NLRP8: variants seen among roughly 807,000 people sequenced by gnomAD.
The protein encoded by NLRP8 is NACHT, LRR and PYD domains-containing protein 8.
NLRP8 carries 86 observed loss-of-function variants against 88.7 expected under a neutral mutation model. That is an observed-to-expected ratio of 0.97 (90% CI 0.81 to 1.16). NLRP8 has a LOEUF of 1.16. Ranked by LOEUF, NLRP8 falls within the 50% of genes most tolerant of loss-of-function variation. NLRP8 has a pLI of 0.00. For missense variants in NLRP8, 1,342 were observed against 1,286.5 expected, an observed-to-expected ratio of 1.04 and a Z score of -0.66; for synonymous variants, 504 against 494.6, an observed-to-expected ratio of 1.02 and a Z score of -0.25.
intron 9 of NLRP8, among the ~76,000 whole-genome samples, chr19:55,987,384 TAC>T (rs1480370073): frequency 6.6e-6 from 1 of 152,202 alleles, no homozygotes; most frequent in Non-Finnish European, 1.5e-5. Context: ...AAAAATTAAG[TAC>T]AGAGTAGGGG....
rs306496 is a variant in NLRP8 at position 55,966,344 on chromosome 19, T to C, written c.2345T>C (p.Val782Ala). 887,032 of 1,612,862 alleles carry C rather than the reference T, an allele frequency of 0.55. 247,863 individuals are homozygous for C. The highest frequency in any genetic ancestry group is 0.76 in the African/African-American group (57,133 of 74,946). The change falls in exon 5 of 10, where the codon GTG becomes GCG. Residue 782 changes from valine (V) to alanine (A), a missense_variant. Physicochemically the swap from Val to Ala is moderately conservative, Grantham distance 64. Coordinates refer to ENST00000291971, the MANE Select transcript of NLRP8 (RefSeq NM_176811.2). ...AAAGCTGTGAAGCTTCTATGCAGGG[T>C]GCTGAGATCCCCCCGGTGCCGTCTG...
intron 5 of NLRP8, among the ~76,000 whole-genome samples, chr19:55,969,765 C>A (rs559015659): frequency 1.3e-4 from 20 of 152,290 alleles, no homozygotes; most frequent in African/African-American, 4.3e-4. Context: ...TCCTTTACAT[C>A]CAACAGAGTT....
chr19:55,955,686 C>G lies in NLRP8; in HGVS notation c.1628C>G (p.Ala543Gly). Residue 543 changes from alanine to glycine, a missense_variant, in exon 3 of 10, where the codon GCG becomes GGG. Physicochemically the swap from Ala to Gly is moderately conservative, Grantham distance 60. Transcript: ENST00000291971. Reference sequence around the variant, plus strand: ...CACGTGAATATCCAGCGCCTGATAGCGAGTCCCAGAGGAAGCAAAAGCTAT... The same window carrying G: ...CACGTGAATATCCAGCGCCTGATAGGGAGTCCCAGAGGAAGCAAAAGCTAT... 6.2e-7 allele frequency: 1 copy of G among 1,614,108 alleles called. No individual in the cohort carries two copies. The highest frequency in any genetic ancestry group is 8.5e-7 in the Non-Finnish European group (1 of 1,179,974).
intron 9 of NLRP8, among the ~76,000 whole-genome samples, chr19:55,981,967 T>C (rs1201730427): frequency 1.3e-5 from 2 of 151,894 alleles, no homozygotes; most frequent in Non-Finnish European, 2.9e-5. Flanking sequence ...AGTGGTGTAA[T>C]CTCGGCTCAC....
chr19:55,972,588 C>A (rs999323202), intron 6 of NLRP8, among the ~76,000 whole-genome samples: 1 of 151,962 alleles, frequency 6.6e-6, no homozygotes, highest in African/African-American at 2.4e-5. Context: ...ACCCCCCACC[C>A]TTTCCCCCAA....
rs1466662813 is a variant in NLRP8, at chr19:55,955,264, C to G, written c.1206C>G (p.Val402=). ...GGGTCCCTGTGGTTTGCTGGATGGT[C>G]TGCTCTGGTCTGAAACAGCAAATGG... The change falls in exon 3 of 10, where the codon GTC becomes GTG. Residue 402 remains valine (V), a synonymous_variant. Coordinates refer to ENST00000291971, the MANE Select transcript of NLRP8 (RefSeq NM_176811.2). The G allele has an allele frequency of 6.2e-7, 1 of 1,614,152 alleles. No homozygotes were observed. Among genetic ancestry groups the G allele is most frequent in the Non-Finnish European group, 8.5e-7 (1 of 1,180,036 alleles).
At chr19:55,959,167 C>T (rs865976118) in intron 3 of NLRP8, among the ~76,000 whole-genome samples, 1 of 151,448 alleles carries the variant, frequency 6.6e-6, no homozygotes, top group African/African-American at 2.4e-5. Context: ...TGTGAGCCAC[C>T]ATGCCTAGCC....
At chr19:55,961,759 C>G (rs1312010625) in intron 3 of NLRP8, among the ~76,000 whole-genome samples, 2 of 152,326 alleles carry the variant, frequency 1.3e-5, no homozygotes, top group East Asian at 3.9e-4. Context: ...GTTCAGACCA[C>G]TATACTCCAG....
intron 3 of NLRP8, among the ~76,000 whole-genome samples, chr19:55,958,929 AG>A (rs1243664822): frequency 3.3e-5 from 5 of 151,902 alleles, no homozygotes; most frequent in African/African-American, 1.2e-4. Context: ...CCCAAGCTGG[AG>A]TGCAGTGGTG....
At chr19:55,951,570 G>T (rs1033788941) in intron 1 of NLRP8, among the ~76,000 whole-genome samples, 3 of 152,186 alleles carry the variant, frequency 2.0e-5, no homozygotes, top group East Asian at 1.9e-4. Context: ...ATGGGGGATT[G>T]GTTCCAGGCT....
At position 55,970,647 on chromosome 19, in the gene NLRP8, G is replaced by C. The variant is rs201252543; in HGVS notation, c.2485G>C (p.Glu829Gln). The change falls in exon 6 of 10, where the codon GAG (glutamate) becomes CAG (glutamine). Residue 829 changes from glutamate to glutamine, a missense_variant. By Grantham distance (29) the Glu-to-Gln change is conservative (BLOSUM62 2). Transcript: ENST00000291971. ...TCTCATACTAAGAAAAAACTCCCTG[G>C]AGAACTGTGGGGCGTATTACCTGTC... 3.1e-6 allele frequency: 5 copies of C among 1,614,064 alleles called. No individual in the cohort carries two copies. In the East Asian group the frequency reaches 1.1e-4, roughly 36 times the overall value.
chr19:55,967,668 G>A (rs1600307569), intron 5 of NLRP8, among the ~76,000 whole-genome samples: 1 of 152,190 alleles, frequency 6.6e-6, no homozygotes, highest in African/African-American at 2.4e-5. Context: ...GGTAGTGCAG[G>A]CATCTCTTCG....
At position 55,987,981 on chromosome 19, in the gene NLRP8, G is replaced by A. The variant is rs1980933194; in HGVS notation, c.*68G>A. The A allele has an allele frequency of 2.6e-6, 3 of 1,176,184 alleles. 1 individual carries two copies. The highest frequency in any genetic ancestry group is 2.5e-5 in the South Asian group (2 of 80,982). The allele number at this position is 1,176,184 out of a possible 1,614,324, so 72.9% of individuals were successfully genotyped here. A position where few individuals can be genotyped will look rare whatever the true frequency, so the allele number is the denominator to read the frequency against. On this transcript the variant is annotated 3_prime_UTR_variant, in exon 10 of 10. Coordinates refer to ENST00000291971, the MANE Select transcript of NLRP8 (RefSeq NM_176811.2). ...CACTCTGACAACTGGCAAATACCAG[G>A]CGTTATCATCCTGTATGCATTAACG...
intron 1 of NLRP8, among the ~76,000 whole-genome samples, chr19:55,948,701 G>T (rs1282608957): frequency 1.3e-5 from 2 of 152,158 alleles, no homozygotes; most frequent in Admixed American, 6.5e-5. Context: ...GCCCCCCAAA[G>T]TGCTGGGATT....
chr19:55,949,347 C>T (rs2090428129), intron 1 of NLRP8, among the ~76,000 whole-genome samples: 1 of 152,098 alleles, frequency 6.6e-6, no homozygotes, highest in South Asian at 2.1e-4. Context: ...AAGCAATTCT[C>T]ATGCCTCAGC....
chr19:55,978,004 A>G (rs1398330408), intron 8 of NLRP8, among the ~76,000 whole-genome samples: 1 of 152,146 alleles, frequency 6.6e-6, no homozygotes, highest in African/African-American at 2.4e-5. Context: ...TCAGGTAGAA[A>G]AGAACTTTCT....
chr19:55,970,142 G>A (rs306490), intron 5 of NLRP8, among the ~76,000 whole-genome samples: 116,442 of 152,170 alleles, frequency 0.77, 44,977 homozygotes, highest in African/African-American at 0.88. Context: ...CTACAAAAAT[G>A]ATTAAATTGG....
chr19:55,950,951 G>A (rs574533306), intron 1 of NLRP8, among the ~76,000 whole-genome samples: 1 of 152,274 alleles, frequency 6.6e-6, no homozygotes, highest in South Asian at 2.1e-4. Flanking sequence ...GGTGGCGCAC[G>A]CCTGTAGTCC....
chr19:55,956,640 C>G (rs932787362), intron 3 of NLRP8, among the ~76,000 whole-genome samples: 2 of 152,006 alleles, frequency 1.3e-5, no homozygotes, highest in Non-Finnish European at 2.9e-5. Flanking sequence ...TTTCTCAGAC[C>G]CAGGACTTTG....
Sources: allele counts gnomAD v4.1 joint callset (sites outside exome capture counted in the v4.1 genomes callset), GRCh38; gene constraint gnomAD v4.1.1; transcripts MANE v1.5; gene names NCBI Gene and HGNC (gene_info 2026-07-23, HGNC 2026-07-21).